The following FREM3 variants were observed in gnomAD, a reference collection of about 807,000 sequenced individuals.
FREM3 encodes FRAS1-related extracellular matrix protein 3.
In FREM3, 105 loss-of-function variants were observed where a neutral mutation model predicts 129.1. The observed-to-expected ratio is 0.81, with a 90% confidence interval of 0.69 to 0.96. The LOEUF (loss-of-function observed/expected upper bound fraction) is 0.96. FREM3 is among the 40% of genes least tolerant of loss of function. FREM3 has a pLI of 0.00. For synonymous variants in FREM3, 1,014 were observed against 1,044.9 expected, an observed-to-expected ratio of 0.97 and a Z score of 0.57; for missense variants, 2,593 against 2,666.3, an observed-to-expected ratio of 0.97 and a Z score of 0.61.
intron 6 of FREM3, among the ~76,000 whole-genome samples, chr4:143,594,148 A>G (rs1738420432): frequency 6.6e-6 from 1 of 152,146 alleles, no homozygotes; most frequent in South Asian, 2.1e-4. Flanking sequence ...TGACTAGGAA[A>G]GGGAATTCCC....
Position 143,696,351 on chromosome 4 carries a change from A to G in FREM3, c.4325T>C (p.Val1442Ala). ...KRITLIEGAR[V>A]TLTNNLLTNS... ...GGTAAGCAGATTGTTGGTAAGGGTCACTCTGGCACCTTCTATCAAGGTGAT... is the reference window on the plus strand; with the variant it reads ...GGTAAGCAGATTGTTGGTAAGGGTCGCTCTGGCACCTTCTATCAAGGTGAT... The change falls in exon 1 of 8, where the codon GTG becomes GCG. Residue 1442 changes from valine to alanine, a missense_variant. By Grantham distance (64) the Val-to-Ala change is moderately conservative. Coordinates refer to ENST00000329798, the MANE Select transcript of FREM3 (RefSeq NM_001168235.2). 2 of 1,537,354 alleles carry G rather than the reference A, an allele frequency of 1.3e-6. No homozygotes were observed. Among genetic ancestry groups the G allele is most frequent in the Non-Finnish European group, 8.7e-7 (1 of 1,146,956 alleles).
chr4:143,697,159 C>CA lies in FREM3; in HGVS notation c.3516dup (p.Gly1173TrpfsTer19). The CA allele has an allele frequency of 6.5e-7, 1 of 1,537,840 alleles. No individual in the cohort carries two copies. The highest frequency in any genetic ancestry group is 8.7e-7 in the Non-Finnish European group (1 of 1,147,040). On this transcript the variant is annotated frameshift_variant, in exon 1 of 8. Coordinates refer to ENST00000329798, the MANE Select transcript of FREM3 (RefSeq NM_001168235.2). LOFTEE classifies it high-confidence loss of function. ...AAGACATTTGGGGAGAAGTTGATGCCATCAGAGCAATAAAAGGTGAATTGG... is the reference window on the plus strand; with the variant it reads ...AAGACATTTGGGGAGAAGTTGATGCCAATCAGAGCAATAAAAGGTGAATTGG...
intron 2 of FREM3, among the ~76,000 whole-genome samples, chr4:143,669,110 T>G (rs1294559021): frequency 6.6e-6 from 1 of 152,170 alleles, no homozygotes. Context: ...CATTCAGTTG[T>G]TTATGCTACT....
At chr4:143,687,367 C>T (rs1429699615) in intron 2 of FREM3, among the ~76,000 whole-genome samples, 1 of 151,988 alleles carries the variant, frequency 6.6e-6, no homozygotes, top group Non-Finnish European at 1.5e-5. Context: ...TTACCACCAT[C>T]ACCACTGACG....
chr4:143,595,513 A>G (rs569309384), intron 6 of FREM3, among the ~76,000 whole-genome samples: 25 of 152,218 alleles, frequency 1.6e-4, no homozygotes, highest in African/African-American at 6.0e-4. Flanking sequence ...CTTGTTTTTG[A>G]GATATTTTTG....
At chr4:143,642,447 C>A (rs536312589) in intron 2 of FREM3, among the ~76,000 whole-genome samples, 1 of 152,212 alleles carries the variant, frequency 6.6e-6, no homozygotes, top group South Asian at 2.1e-4. Context: ...GACACACAGA[C>A]CAATTAAACA....
chr4:143,648,970 C>G (rs932778945), intron 2 of FREM3, among the ~76,000 whole-genome samples: 1 of 152,094 alleles, frequency 6.6e-6, no homozygotes, highest in Non-Finnish European at 1.5e-5. Flanking sequence ...TGCTATGTTG[C>G]CTAGGCTGGT....
intron 7 of FREM3, among the ~76,000 whole-genome samples, chr4:143,581,408 C>T (rs561511653): frequency 7.3e-5 from 11 of 151,166 alleles, no homozygotes; most frequent in East Asian, 2.0e-4. Flanking sequence ...AAACACCATA[C>T]GAAGAGGAGC....
intron 2 of FREM3, among the ~76,000 whole-genome samples, chr4:143,645,868 A>G (rs1341601966): frequency 6.6e-6 from 1 of 152,310 alleles, no homozygotes; most frequent in Non-Finnish European, 1.5e-5. Flanking sequence ...ACTTTGCTAG[A>G]TACAGGCATC....
intron 2 of FREM3, among the ~76,000 whole-genome samples, chr4:143,688,543 C>T (rs960698682): frequency 6.6e-6 from 1 of 152,052 alleles, no homozygotes; most frequent in African/African-American, 2.4e-5. Context: ...TCATACAGAA[C>T]CAAAAAAGAG....
At chr4:143,622,069 G>C (rs1049210227) in intron 4 of FREM3, among the ~76,000 whole-genome samples, 7 of 151,526 alleles carry the variant, frequency 4.6e-5, no homozygotes, top group Non-Finnish European at 7.4e-5. Context: ...AAGCAAAAAG[G>C]GAAAAGATTG....
chr4:143,644,408 A>C (rs368869824), intron 2 of FREM3, among the ~76,000 whole-genome samples: 1 of 152,212 alleles, frequency 6.6e-6, no homozygotes, highest in Non-Finnish European at 1.5e-5. Context: ...AGTATCTAAT[A>C]ATAAGCATCC....
Position 143,698,330 on chromosome 4 carries a change from C to T in FREM3, c.2346G>A (p.Gln782=). ...GTGGAGGCTGGTAGGCAACTTTATG[C>T]TGATTTACCTGGGCTTGGGTAAAGT... ...IMHFTQAQVN[Q]HKVAYQPPQK... is the part of the protein sequence containing the mutation. The change falls in exon 1 of 8, where the codon CAG becomes CAA. Residue 782 remains glutamine (Q), a synonymous_variant. Transcript: ENST00000329798. 6.5e-7 allele frequency: 1 copy of T among 1,537,860 alleles called. No homozygotes were observed. The highest frequency in any genetic ancestry group is 1.2e-5 in the South Asian group (1 of 84,054).
chr4:143,648,062 A>G (rs1281681421), intron 2 of FREM3, among the ~76,000 whole-genome samples: 3 of 152,246 alleles, frequency 2.0e-5, no homozygotes, highest in Non-Finnish European at 2.9e-5. Flanking sequence ...CTCGTGCATC[A>G]GCATGACCTG....
At position 143,698,967 on chromosome 4, in the gene FREM3, G is replaced by A; in HGVS notation, c.1709C>T (p.Thr570Ile). ...GGTTGAGTCCTCAGAGTCAATATCA[G>A]TAGCACTCAGTACAAAGGGAGAGAT... ...VQISPFVLSA[T>I]DIDSEDSTIH... The change falls in exon 1 of 8, where the codon ACT becomes ATT. Residue 570 changes from threonine (T) to isoleucine (I), a missense_variant. By Grantham distance (89) the Thr-to-Ile change is moderately conservative. Coordinates refer to ENST00000329798, the MANE Select transcript of FREM3 (RefSeq NM_001168235.2). 1 of 1,537,260 alleles carries A rather than the reference G, an allele frequency of 6.5e-7. No individual in the cohort carries two copies. Among genetic ancestry groups the A allele is most frequent in the South Asian group, 1.2e-5 (1 of 84,058 alleles).
At position 143,693,200 on chromosome 4, in the gene FREM3, C is replaced by A; in HGVS notation, c.5188G>T (p.Asp1730Tyr). The change falls in exon 2 of 8, where the codon GAC (aspartate) becomes TAC (tyrosine). Residue 1730 changes from aspartate to tyrosine, a missense_variant and splice_region_variant. Coordinates refer to ENST00000329798, the MANE Select transcript of FREM3 (RefSeq NM_001168235.2). ...NQSTRVFTQA[D>Y]IDEMKISYVL... ...TAGGATATCTTCATCTCATCAATGT[C>A]AGCTAAAAAAAAAGCAACCATCACA... The A allele has an allele frequency of 1.4e-6, 2 of 1,478,792 alleles. No homozygotes were observed. Among genetic ancestry groups the A allele is most frequent in the Non-Finnish European group, 1.8e-6 (2 of 1,112,758 alleles). 91.6% of individuals were successfully genotyped at this position (1,478,792 alleles called of 1,614,324 possible).
chr4:143,596,303 A>T (rs1738483141), intron 6 of FREM3, among the ~76,000 whole-genome samples: 2 of 152,224 alleles, frequency 1.3e-5, no homozygotes, highest in African/African-American at 4.8e-5. Context: ...GCAACCCATT[A>T]GAAAGGTATT....
At chr4:143,619,564 G>T (rs1000762029) in intron 5 of FREM3, among the ~76,000 whole-genome samples, 1 of 151,896 alleles carries the variant, frequency 6.6e-6, no homozygotes, top group South Asian at 2.1e-4. Context: ...AGTTCAATTC[G>T]GTTATTTAAA....
intron 2 of FREM3, among the ~76,000 whole-genome samples, chr4:143,671,568 T>G (rs955568837): frequency 2.0e-5 from 3 of 152,230 alleles, no homozygotes; most frequent in Non-Finnish European, 1.5e-5. Context: ...AGAAAACTTT[T>G]GTTTTTTGAC....
Sources: allele counts gnomAD v4.1 joint callset (sites outside exome capture counted in the v4.1 genomes callset), GRCh38; gene constraint gnomAD v4.1.1; transcripts MANE v1.5; gene names NCBI Gene and HGNC (gene_info 2026-07-23, HGNC 2026-07-21).